Variants in EPHA5 observed in about 807,000 individuals in gnomAD.
EPHA5 encodes the protein ephrin type-A receptor 5.
EPHA5 carries 60 observed loss-of-function variants against 105.0 expected under a neutral mutation model. That is an observed-to-expected ratio of 0.57 (90% CI 0.46 to 0.71). The LOEUF (loss-of-function observed/expected upper bound fraction) is 0.71. EPHA5 is among the 30% of genes least tolerant of loss of function. The pLI is 0.00. For missense variants in EPHA5, 1,218 were observed against 1,274.7 expected (o/e 0.96, Z 0.68); for synonymous variants, 513 against 449.1 (o/e 1.14, Z -1.80).
intron 7 of EPHA5, among the ~76,000 whole-genome samples, chr4:65,410,249 A>G (rs1335508501): frequency 6.6e-6 from 1 of 152,216 alleles, no homozygotes; most frequent in East Asian, 1.9e-4. Context: ...AACAAACTTG[A>G]TATACACCAC....
At chr4:65,410,990 G>C (rs1722856396) in intron 7 of EPHA5, among the ~76,000 whole-genome samples, 1 of 152,112 alleles carries the variant, frequency 6.6e-6, no homozygotes, top group Non-Finnish European at 1.5e-5. Flanking sequence ...GGTCTAACGA[G>C]TTTGGCTGAA....
intron 2 of EPHA5, among the ~76,000 whole-genome samples, chr4:65,611,681 G>A (rs1174990449): frequency 6.6e-6 from 1 of 151,824 alleles, no homozygotes; most frequent in Non-Finnish European, 1.5e-5. Flanking sequence ...TTATGCTTCT[G>A]ATGCAAGATT....
chr4:65,438,682 A>T (rs1725723365), intron 5 of EPHA5, among the ~76,000 whole-genome samples: 1 of 151,992 alleles, frequency 6.6e-6, no homozygotes, highest in South Asian at 2.1e-4. Flanking sequence ...AACAGTAGAG[A>T]GATATACCAT....
At chr4:65,413,577 TACAC>T (rs1217411929) in intron 7 of EPHA5, among the ~76,000 whole-genome samples, 1 of 151,724 alleles carries the variant, frequency 6.6e-6, no homozygotes, top group Non-Finnish European at 1.5e-5. Flanking sequence ...TTAAAGCAAA[TACAC>T]ACACACACAG....
At chr4:65,347,299 G>T (rs1217916063) in intron 14 of EPHA5, among the ~76,000 whole-genome samples, 1 of 151,996 alleles carries the variant, frequency 6.6e-6, no homozygotes, top group Non-Finnish European at 1.5e-5. Context: ...TCATGATAAG[G>T]GCTCAATAAA....
intron 14 of EPHA5, among the ~76,000 whole-genome samples, chr4:65,345,896 T>C (rs1444544019): frequency 6.6e-6 from 1 of 151,778 alleles, no homozygotes; most frequent in Non-Finnish European, 1.5e-5. Flanking sequence ...CTTCAGCCTC[T>C]CGAGTAGCTG....
At chr4:65,543,858 A>C (rs1737098934) in intron 3 of EPHA5, among the ~76,000 whole-genome samples, 1 of 152,058 alleles carries the variant, frequency 6.6e-6, no homozygotes. Flanking sequence ...ACAGCATGGT[A>C]CTGGTACCAA....
chr4:65,419,166 G>A (rs796529495), intron 6 of EPHA5, among the ~76,000 whole-genome samples: 43 of 152,024 alleles, frequency 2.8e-4, no homozygotes, highest in African/African-American at 9.6e-4. Flanking sequence ...TTACAGGCAT[G>A]AGCCACCGCA....
intron 5 of EPHA5, among the ~76,000 whole-genome samples, chr4:65,468,865 T>C (rs975452617): frequency 2.0e-5 from 3 of 151,510 alleles, no homozygotes; most frequent in Non-Finnish European, 2.9e-5. Context: ...AATCCCTAAA[T>C]CCATTCCATT....
rs1172713814 is a variant in EPHA5 at position 65,331,541 on chromosome 4, T to G, written c.2945+432A>C. Reference sequence around the variant, plus strand: ...AGCTTTGTTTAAGCTACTGTTACCTTGATATTCATCGTAGAGAGCCAAAAT... The same window carrying G: ...AGCTTTGTTTAAGCTACTGTTACCTGGATATTCATCGTAGAGAGCCAAAAT... On this transcript the variant is annotated intron_variant, in intron 16 of 16. Transcript: ENST00000613740. 6.6e-6 allele frequency: 7 copies of G among 1,055,348 alleles called. No homozygotes were observed. The East Asian group carries it at 3.7e-4, about 56-fold the overall frequency. The allele number at this position is 1,055,348 out of a possible 1,614,324, so 65.4% of individuals were successfully genotyped here.
intron 14 of EPHA5, among the ~76,000 whole-genome samples, chr4:65,338,009 T>G (rs1488244644): frequency 6.6e-6 from 1 of 151,972 alleles, no homozygotes; most frequent in Non-Finnish European, 1.5e-5. Flanking sequence ...GGAGAAAATG[T>G]TTTCAGTAAT....
At chr4:65,428,987 G>A (rs1393267556) in intron 5 of EPHA5, among the ~76,000 whole-genome samples, 3 of 151,890 alleles carry the variant, frequency 2.0e-5, no homozygotes, top group African/African-American at 7.2e-5. Context: ...CTTCTGAATA[G>A]CAAAATTAAT....
At chr4:65,531,937 G>A (rs1015753712) in intron 3 of EPHA5, among the ~76,000 whole-genome samples, 1 of 152,110 alleles carries the variant, frequency 6.6e-6, no homozygotes, top group Non-Finnish European at 1.5e-5. Context: ...AAAGACTGTT[G>A]TATTAAATAA....
intron 5 of EPHA5, among the ~76,000 whole-genome samples, chr4:65,475,563 A>G (rs1390346568): frequency 6.6e-6 from 1 of 152,170 alleles, no homozygotes; most frequent in African/African-American, 2.4e-5. Flanking sequence ...TAGGAATAGT[A>G]ATAAAGGGGA....
chr4:65,648,551 C>T (rs1407177205), intron 1 of EPHA5, among the ~76,000 whole-genome samples: 1 of 152,102 alleles, frequency 6.6e-6, no homozygotes, highest in Non-Finnish European at 1.5e-5. Flanking sequence ...TTGCCATTAT[C>T]TTCACATTAA....
At chr4:65,348,229 C>T (rs1722408732) in intron 13 of EPHA5, 26 bp from the exon 14 acceptor site, 2 of 1,599,910 alleles carry the variant, frequency 1.3e-6, no homozygotes, top group South Asian at 1.1e-5. Flanking sequence ...ATTTAAAAAA[C>T]TTCCTACATA....
intron 2 of EPHA5, among the ~76,000 whole-genome samples, chr4:65,614,937 C>T (rs1166748434): frequency 1.3e-5 from 2 of 151,728 alleles, no homozygotes; most frequent in Non-Finnish European, 3.0e-5. Flanking sequence ...GTGTTATATT[C>T]ATGCTATAAA....
At chr4:65,574,697 T>TATAC (rs1560717882) in intron 3 of EPHA5, among the ~76,000 whole-genome samples, 1,965 of 63,420 alleles carry the variant, frequency 0.031, 136 homozygotes, top group East Asian at 0.097. Flanking sequence ...TACATATATA[T>TATAC]ACATATATAT....
At chr4:65,386,920 G>GGTT (rs1234074907) in intron 8 of EPHA5, among the ~76,000 whole-genome samples, 1 of 151,608 alleles carries the variant, frequency 6.6e-6, no homozygotes, top group Non-Finnish European at 1.5e-5. Flanking sequence ...TAGGGCAATT[G>GGTT]ACTTAACTCT....
Sources: allele counts gnomAD v4.1 joint callset (sites outside exome capture counted in the v4.1 genomes callset), GRCh38; gene constraint gnomAD v4.1.1; transcripts MANE v1.5; gene names NCBI Gene and HGNC (gene_info 2026-07-23, HGNC 2026-07-21).